The following PDE7B variants were observed in gnomAD, a reference collection of about 807,000 sequenced individuals.
PDE7B encodes the protein 3',5'-cyclic-AMP phosphodiesterase 7B.
In PDE7B, 29 loss-of-function variants were observed where a neutral mutation model predicts 56.2. The observed-to-expected ratio is 0.52, with a 90% CI of 0.38 to 0.70. The LOEUF (loss-of-function observed/expected upper bound fraction) is 0.70. Among genes scored for constraint, PDE7B ranks in the 30% least tolerant of loss-of-function variants. PDE7B has a pLI of 0.00. For missense variants in PDE7B, 490 were observed against 565.0 expected, an observed-to-expected ratio of 0.87 and a Z score of 1.35; for synonymous variants, 197 against 196.9, an observed-to-expected ratio of 1.00 and a Z score of 0.00.
intron 1 of PDE7B, among the ~76,000 whole-genome samples, chr6:135,887,193 C>A (rs1364644856): frequency 6.6e-6 from 1 of 152,020 alleles, no homozygotes; most frequent in African/African-American, 2.4e-5. Flanking sequence ...GTCCTTTGCC[C>A]ACTTTTTGAT....
chr6:136,180,141 T>C (rs1444221419), intron 10 of PDE7B, among the ~76,000 whole-genome samples: 2 of 152,214 alleles, frequency 1.3e-5, no homozygotes, highest in East Asian at 1.9e-4. Context: ...CAGGCTTTCA[T>C]GCTACCCTTT....
At chr6:135,852,051 G>T (rs1257637693) in intron 1 of PDE7B, 32 bp downstream of exon 1, 2 of 1,513,588 alleles carry the variant, frequency 1.3e-6, no homozygotes, top group African/African-American at 2.7e-5. Context: ...GGCAAGCTCA[G>T]TTTTCTTGAG....
intron 2 of PDE7B, among the ~76,000 whole-genome samples, chr6:135,960,374 A>C (rs542227843): frequency 6.6e-6 from 1 of 152,208 alleles, no homozygotes; most frequent in Admixed American, 6.5e-5. Context: ...TTAGAAGATC[A>C]GTTTCAAATG....
chr6:136,139,010 G>A (rs1169104664), intron 3 of PDE7B, among the ~76,000 whole-genome samples: 1 of 152,004 alleles, frequency 6.6e-6, no homozygotes, highest in Admixed American at 6.6e-5. Flanking sequence ...GGGTACATGT[G>A]CACGATGTGC....
chr6:136,163,537 T>G (rs139102609), intron 8 of PDE7B, among the ~76,000 whole-genome samples: 1 of 152,250 alleles, frequency 6.6e-6, no homozygotes, highest in Non-Finnish European at 1.5e-5. Flanking sequence ...CTTGGAGACA[T>G]TTACCCCATT....
chr6:136,010,191 G>C (rs569580544), intron 2 of PDE7B, among the ~76,000 whole-genome samples: 9 of 152,230 alleles, frequency 5.9e-5, no homozygotes, highest in African/African-American at 2.2e-4. Flanking sequence ...TCAAGAGCAT[G>C]TTGTTTAATT....
At chr6:136,038,355 G>C (rs1776362413) in intron 2 of PDE7B, 1 of 1,291,928 alleles carries the variant, frequency 7.7e-7, no homozygotes. Context: ...GGCCCAGAAG[G>C]TGTGCTGCCC....
intron 2 of PDE7B, among the ~76,000 whole-genome samples, chr6:135,953,576 A>G (rs1774738194): frequency 6.6e-6 from 1 of 152,150 alleles, no homozygotes; most frequent in Admixed American, 6.6e-5. Flanking sequence ...TAGAAGTACT[A>G]TAAATATAAG....
chr6:136,054,223 A>G (rs528014570), intron 2 of PDE7B, among the ~76,000 whole-genome samples: 1 of 152,272 alleles, frequency 6.6e-6, no homozygotes, highest in African/African-American at 2.4e-5. Flanking sequence ...TCTTGAATTA[A>G]TTTTTGTATA....
intron 1 of PDE7B, among the ~76,000 whole-genome samples, chr6:135,934,897 T>A (rs1182399058): frequency 2.0e-5 from 2 of 102,516 alleles, no homozygotes; most frequent in African/African-American, 8.9e-5. Context: ...AAATATATAT[T>A]TAAATATATA....
At chr6:136,158,136 T>C (rs183189019) in intron 8 of PDE7B, among the ~76,000 whole-genome samples, 14 of 152,308 alleles carry the variant, frequency 9.2e-5, no homozygotes, top group Middle Eastern at 3.4e-3. Context: ...CGACACATGG[T>C]ATTTAAAAAT....
chr6:136,173,676 C>T (rs1778930134), intron 8 of PDE7B, 121 bp from the exon 9 acceptor site: 2 of 686,054 alleles, frequency 2.9e-6, no homozygotes, highest in Non-Finnish European at 5.1e-6. Flanking sequence ...TCCTGGTCTG[C>T]CTCTGGGTCA....
At chr6:136,084,779 AT>A (rs1307905956) in intron 2 of PDE7B, among the ~76,000 whole-genome samples, 1 of 152,186 alleles carries the variant, frequency 6.6e-6, no homozygotes, top group Non-Finnish European at 1.5e-5. Context: ...AAAGGTACTT[AT>A]CTTTATGTTC....
intron 2 of PDE7B, among the ~76,000 whole-genome samples, chr6:136,026,720 G>A (rs1292389547): frequency 6.6e-6 from 1 of 152,156 alleles, no homozygotes; most frequent in Admixed American, 6.5e-5. Context: ...GGGGATTCTT[G>A]TCAGGATTCA....
At chr6:136,092,508 C>A (rs2128216259) in intron 2 of PDE7B, among the ~76,000 whole-genome samples, 1 of 152,252 alleles carries the variant, frequency 6.6e-6, no homozygotes. Context: ...TGCCTGTAAT[C>A]CCAGCACTTT....
intron 1 of PDE7B, among the ~76,000 whole-genome samples, chr6:135,934,564 TA>T: frequency 1.3e-5 from 2 of 148,954 alleles, no homozygotes; most frequent in Admixed American, 6.8e-5. Flanking sequence ...CTGTCTCTAC[TA>T]AAAAAAATAC....
chr6:136,176,770 A>AT (rs1778985062), intron 9 of PDE7B, among the ~76,000 whole-genome samples: 1 of 152,098 alleles, frequency 6.6e-6, no homozygotes, highest in African/African-American at 2.4e-5. Flanking sequence ...GAGGGGAACC[A>AT]TTTTTCTCGT....
intron 2 of PDE7B, among the ~76,000 whole-genome samples, chr6:136,063,506 C>T (rs948442903): frequency 2.4e-4 from 37 of 152,212 alleles, no homozygotes; most frequent in African/African-American, 7.2e-4. Context: ...CTGCAGTAGT[C>T]CCCTACCTGT....
intron 1 of PDE7B, among the ~76,000 whole-genome samples, chr6:135,885,818 A>T (rs903487966): frequency 6.6e-6 from 1 of 152,186 alleles, no homozygotes; most frequent in Admixed American, 6.5e-5. Context: ...TGCTGAGAAA[A>T]CATGTGAGAT....
Sources: allele counts gnomAD v4.1 joint callset (sites outside exome capture counted in the v4.1 genomes callset), GRCh38; gene constraint gnomAD v4.1.1; transcripts MANE v1.5; gene names NCBI Gene and HGNC (gene_info 2026-07-23, HGNC 2026-07-21).